The following TMEM14C variants were observed in gnomAD, a reference collection of about 807,000 sequenced individuals.
TMEM14C encodes the protein chromosome 6 open reading frame 53.
Under a neutral mutation model 14.8 loss-of-function variants are expected in TMEM14C, and 13 were observed. The ratio of observed to expected loss-of-function variants is 0.88; its 90% CI spans 0.57 to 1.40. TMEM14C has a LOEUF of 1.40. TMEM14C is among the 40% of genes most tolerant of loss of function. The probability of loss-of-function intolerance (pLI) is 0.00; values close to 1 mark genes in which losing one functional copy is unlikely to be tolerated. For synonymous variants in TMEM14C, 57 were observed against 51.3 expected (o/e 1.11, Z -0.48); for missense variants, 142 against 138.8 (o/e 1.02, Z -0.12).
intron 4 of TMEM14C, among the ~76,000 whole-genome samples, chr6:10,727,778 G>A (rs1440768412): frequency 6.6e-6 from 1 of 151,816 alleles, no homozygotes. Flanking sequence ...CCAAGATCAC[G>A]CCACTGCACT....
At chr6:10,724,041 G>A (rs969237148) in intron 1 of TMEM14C, among the ~76,000 whole-genome samples, 2 of 152,096 alleles carry the variant, frequency 1.3e-5, no homozygotes, top group Non-Finnish European at 2.9e-5. Context: ...CACTGTTTCC[G>A]TATATTTTAT....
intron 4 of TMEM14C, among the ~76,000 whole-genome samples, chr6:10,726,368 C>T (rs562449235): frequency 6.6e-6 from 1 of 152,162 alleles, no homozygotes; most frequent in African/African-American, 2.4e-5. Context: ...ATCTGAATTG[C>T]GATTTCCCCA....
rs1375620537 is a variant in TMEM14C, at chr6:10,725,766, T to A, written c.98-141T>A. 4 of 974,264 alleles carry A rather than the reference T, an allele frequency of 4.1e-6. No homozygotes were observed. The African/African-American group carries it at 6.5e-5, about 16-fold the overall frequency. 60.4% of individuals were successfully genotyped at this position (974,264 alleles called of 1,614,324 possible). On this transcript the variant is annotated intron_variant, in intron 3 of 5. Transcript: ENST00000229563. ...AGATAGCACACTCTCTGTAACGTCT[T>A]CCTGCTTGAGTCCACCTTGGCTATG...
chr6:10,723,613 T>C (rs1424189291), intron 1 of TMEM14C, among the ~76,000 whole-genome samples: 1 of 148,394 alleles, frequency 6.7e-6, no homozygotes, highest in Non-Finnish European at 1.5e-5. Flanking sequence ...TTTTTTTTTG[T>C]CCTTGAGGGA....
chr6:10,729,710 G>A (rs1490412392), intron 5 of TMEM14C, among the ~76,000 whole-genome samples: 4 of 152,124 alleles, frequency 2.6e-5, no homozygotes, highest in African/African-American at 9.7e-5. Flanking sequence ...CCTGGGAAGC[G>A]GAGATTACAG....
In TMEM14C at chr6:10,730,891, AT is replaced by A; in HGVS notation, c.*227del. 1.7e-6 allele frequency: 2 copies of A among 1,183,298 alleles called. No individual in the cohort carries two copies. The highest frequency in any genetic ancestry group is 2.1e-6 in the Non-Finnish European group (2 of 953,970). 73.3% of individuals were successfully genotyped at this position (1,183,298 alleles called of 1,614,324 possible). A position where few individuals can be genotyped will look rare whatever the true frequency, so the allele number is the denominator to read the frequency against. On this transcript the variant is annotated 3_prime_UTR_variant, in exon 6 of 6. Transcript: ENST00000229563. Reference sequence around the variant, plus strand: ...CTTAATAAGACCCTCATAGAGCTTGATTCTTGTATATTGATGTTGTCTTTTC... The same window carrying A: ...CTTAATAAGACCCTCATAGAGCTTGATCTTGTATATTGATGTTGTCTTTTC...
At chr6:10,729,171 A>T (rs1770958965) in intron 5 of TMEM14C, among the ~76,000 whole-genome samples, 1 of 151,756 alleles carries the variant, frequency 6.6e-6, no homozygotes, top group East Asian at 1.9e-4. Context: ...TCACTCTGTC[A>T]CCCAGGATGG....
At chr6:10,727,147 C>A (rs1038686443) in intron 4 of TMEM14C, among the ~76,000 whole-genome samples, 1 of 152,144 alleles carries the variant, frequency 6.6e-6, no homozygotes, top group East Asian at 1.9e-4. Flanking sequence ...ACTCCTGGAG[C>A]CTTTAATCTC....
intron 5 of TMEM14C, among the ~76,000 whole-genome samples, chr6:10,729,873 G>A (rs1317067050): frequency 3.3e-5 from 5 of 152,092 alleles, no homozygotes; most frequent in African/African-American, 7.2e-5. Flanking sequence ...CAGAGCGGGC[G>A]GATCACTTGA....
At chr6:10,725,881 T>TGCAA (rs1216495794) in intron 3 of TMEM14C, 26 bp from the exon 4 acceptor site, 1 of 1,612,606 alleles carries the variant, frequency 6.2e-7, no homozygotes, top group Admixed American at 1.7e-5. Flanking sequence ...GACATTACAA[T>TGCAA]GCAAGCTGTG....
chr6:10,723,887 A>G (rs774596858), intron 1 of TMEM14C, among the ~76,000 whole-genome samples: 1 of 152,230 alleles, frequency 6.6e-6, no homozygotes, highest in Non-Finnish European at 1.5e-5. Context: ...GACAGGCGTC[A>G]GCCACTGCGC....
intron 4 of TMEM14C, 126 bp downstream of exon 4, chr6:10,726,134 C>A: frequency 9.5e-7 from 1 of 1,049,806 alleles, no homozygotes; most frequent in Non-Finnish European, 1.4e-6. Context: ...ACTGCTTCTA[C>A]CAAGTCCTCA....
chr6:10,728,037 T>G (rs1462591080), intron 4 of TMEM14C, among the ~76,000 whole-genome samples: 1 of 152,212 alleles, frequency 6.6e-6, no homozygotes, highest in African/African-American at 2.4e-5. Context: ...CCACAGGGCC[T>G]CTGCATATAC....
intron 1 of TMEM14C, among the ~76,000 whole-genome samples, chr6:10,723,966 G>A (rs1479707146): frequency 6.6e-6 from 1 of 152,130 alleles, no homozygotes; most frequent in Non-Finnish European, 1.5e-5. Flanking sequence ...ACTGGACACA[G>A]GATACTTTCT....
At position 10,723,122 on chromosome 6, in the gene TMEM14C, C is replaced by T. The variant is rs1174751640; in HGVS notation, c.-164C>T. On this transcript the variant is annotated 5_prime_UTR_variant, in exon 1 of 6. Coordinates refer to ENST00000229563, the MANE Select transcript of TMEM14C (RefSeq NM_016462.4). ...ACTGCGCAGGCACAACAGAGCCGCTCCCCTCTCCTCGCCCCGCCACCGGGA... is the reference window on the plus strand; with the variant it reads ...ACTGCGCAGGCACAACAGAGCCGCTTCCCTCTCCTCGCCCCGCCACCGGGA... 6.6e-6 allele frequency: 1 copy of T among 152,354 alleles called. No individual in the cohort carries two copies. The highest frequency in any genetic ancestry group is 2.4e-5 in the African/African-American group (1 of 41,464). The allele number at this position is 152,354 out of a possible 1,614,324, so 9.4% of individuals were successfully genotyped here. A position where few individuals can be genotyped will look rare whatever the true frequency, so the allele number is the denominator to read the frequency against.
chr6:10,725,006 T>C lies in TMEM14C; in HGVS notation c.66T>C (p.Ala22=). The change falls in exon 3 of 6, where the codon GCT becomes GCC. Residue 22 remains alanine, a synonymous_variant. Transcript: ENST00000229563. ...GCTTTGGCTACGCAGCACTGGTTGC[T>C]TCTGGTGGGATCATTGGCTATGTAA... The part of the protein sequence containing the change: ...WFGFGYAALV[A]SGGIIGYVKA... 1 of 1,614,250 alleles carries C rather than the reference T, an allele frequency of 6.2e-7. No homozygotes were observed.
At chr6:10,724,204 C>A (rs1443516165) in intron 1 of TMEM14C, among the ~76,000 whole-genome samples, 2 of 152,208 alleles carry the variant, frequency 1.3e-5, no homozygotes, top group Admixed American at 1.3e-4. Flanking sequence ...GGATTAAGGG[C>A]ACGGGAGTAT....
intron 1 of TMEM14C, 132 bp downstream of exon 1, chr6:10,723,373 C>G (rs551906121): frequency 1.3e-5 from 2 of 152,280 alleles, no homozygotes; most frequent in Admixed American, 6.5e-5. Flanking sequence ...CGGTGCTTTT[C>G]TCGTTGGGTA....
In TMEM14C at chr6:10,728,623, T is replaced by C. The variant is rs747335310; in HGVS notation, c.200-17T>C. On this transcript the variant is annotated splice_polypyrimidine_tract_variant and intron_variant, in intron 4 of 5. Transcript: ENST00000229563. ...GATGTAATGAGTTTTAACACTTCTT[T>C]ATATGTTTTTCATCAGCTACATCTG... 1.2e-5 allele frequency: 19 copies of C among 1,612,978 alleles called. No homozygotes were observed. Among genetic ancestry groups the C allele is most frequent in the Non-Finnish European group, 1.5e-5 (18 of 1,179,546 alleles).
Sources: gnomAD v4.1 joint callset for allele counts (sites outside exome capture counted in the v4.1 genomes callset) on GRCh38, gnomAD v4.1.1 for gene constraint, MANE v1.5 for transcripts, NCBI Gene and HGNC (gene_info 2026-07-23, HGNC 2026-07-21) for gene names.